Variants in SYNE1 observed in about 807,000 individuals in gnomAD.
SYNE1 encodes spectrin repeat containing nuclear envelope protein 1.
In SYNE1, 616 loss-of-function variants were observed where a neutral mutation model predicts 1,111.0. That is an observed-to-expected ratio of 0.55 (90% CI 0.52 to 0.59). The LOEUF is 0.59. SYNE1 is among the 20% of genes least tolerant of loss of function. The pLI is 0.00. For missense variants in SYNE1, 10,006 were observed against 10,417.0 expected (o/e 0.96, Z 1.72); for synonymous variants, 3,855 against 3,825.8 (o/e 1.01, Z -0.28).
intron 95 of SYNE1, among the ~76,000 whole-genome samples, chr6:152,292,304 C>G (rs1453847393): frequency 1.3e-5 from 2 of 152,154 alleles, no homozygotes; most frequent in Non-Finnish European, 2.9e-5. Flanking sequence ...TCTTGGATAA[C>G]AAGGGTTAAT....
chr6:152,428,062 A>T, intron 37 of SYNE1, 143 bp downstream of exon 37: 1 of 1,227,072 alleles, frequency 8.1e-7, no homozygotes, highest in Non-Finnish European at 1.2e-6. Flanking sequence ...TTTGCCTTAT[A>T]ACAAAGATCA....
At chr6:152,569,112 G>A (rs12111028) in intron 3 of SYNE1, among the ~76,000 whole-genome samples, 364 of 152,270 alleles carry the variant, frequency 2.4e-3, no homozygotes, top group African/African-American at 8.0e-3. Context: ...AGCAGCATCA[G>A]CACCACCTGG....
rs145077916 is a variant in SYNE1, at chr6:152,138,684, G to T, written c.25458+1266C>A. Among the ~76,000 whole-genome samples the T allele has an allele frequency of 2.3e-4, 35 of 152,158 alleles. No individual in the cohort carries two copies. In the East Asian group the frequency reaches 6.8e-3, roughly 29 times the overall value. Reference sequence around the variant, plus strand: ...CTTCATTCCTTATCCTGACCCCGGAGAGCCTAGGTGGCCACATTTTGAGGA... The same window carrying T: ...CTTCATTCCTTATCCTGACCCCGGATAGCCTAGGTGGCCACATTTTGAGGA... On this transcript the variant is annotated intron_variant, in intron 140 of 145. Coordinates refer to ENST00000367255, the MANE Select transcript of SYNE1 (RefSeq NM_182961.4).
intron 11 of SYNE1, among the ~76,000 whole-genome samples, chr6:152,489,750 A>G (rs1373802906): frequency 6.6e-6 from 1 of 152,162 alleles, no homozygotes; most frequent in Non-Finnish European, 1.5e-5. Flanking sequence ...TTTCTAACCC[A>G]GAAGTCTGAG....
intron 132 of SYNE1, 53 bp from the exon 133 acceptor site, chr6:152,155,095 C>G (rs563145207): frequency 4.5e-5 from 72 of 1,609,874 alleles, no homozygotes; most frequent in Admixed American, 2.0e-4. Flanking sequence ...TGTTTTCGCT[C>G]CAGAACCCGG....
At chr6:152,225,936 T>G (rs982434287) in intron 115 of SYNE1, 60 bp from the exon 116 acceptor site, 4 of 1,547,728 alleles carry the variant, frequency 2.6e-6, no homozygotes, top group Non-Finnish European at 1.8e-6. Context: ...TGGGGTGCAC[T>G]GAAATTGGGC....
At chr6:152,304,191 T>C (rs1320896485) in intron 91 of SYNE1, among the ~76,000 whole-genome samples, 2 of 152,202 alleles carry the variant, frequency 1.3e-5, no homozygotes, top group Non-Finnish European at 2.9e-5. Flanking sequence ...AGCACGTGGG[T>C]ACTCAATAAA....
chr6:152,219,344 A>G (rs180938317), intron 119 of SYNE1, among the ~76,000 whole-genome samples, 159 bp from the exon 120 acceptor site: 2 of 152,194 alleles, frequency 1.3e-5, no homozygotes, highest in East Asian at 3.9e-4. Flanking sequence ...CACGCACTGA[A>G]CCCCATTTTT....
At chr6:152,205,681 A>G (rs945223819) in intron 126 of SYNE1, among the ~76,000 whole-genome samples, 1 of 152,230 alleles carries the variant, frequency 6.6e-6, no homozygotes, top group Non-Finnish European at 1.5e-5. Flanking sequence ...GTATCCAACT[A>G]AGGGCTTAAT....
intron 7 of SYNE1, 85 bp from the exon 8 acceptor site, chr6:152,510,456 T>A (rs1489172454): frequency 3.4e-6 from 5 of 1,467,280 alleles, no homozygotes; most frequent in Non-Finnish European, 4.7e-6. Flanking sequence ...CAGCAACAAA[T>A]GAGTTATGTT....
At chr6:152,608,041 G>A (rs1583346644) in intron 3 of SYNE1, among the ~76,000 whole-genome samples, 1 of 152,142 alleles carries the variant, frequency 6.6e-6, no homozygotes, top group African/African-American at 2.4e-5. Flanking sequence ...TGAGGGGTGA[G>A]GGGCAAGGGG....
chr6:152,582,560 A>G (rs1220094989), intron 3 of SYNE1, among the ~76,000 whole-genome samples: 1 of 151,564 alleles, frequency 6.6e-6, no homozygotes, highest in Non-Finnish European at 1.5e-5. Context: ...AAAACTTTTT[A>G]CATATATATA....
Position 152,433,794 on chromosome 6 carries a change from C to A in SYNE1, c.4461+1G>T, listed in dbSNP as rs863224927. On this transcript the variant is annotated splice_donor_variant, in intron 34 of 145. Coordinates refer to ENST00000367255, the MANE Select transcript of SYNE1 (RefSeq NM_182961.4). LOFTEE classifies it high-confidence loss of function. ...ATAAATATAATGTGTGAGCAGGTCA[C>A]CTTAATTTGGCTGATTTGCATGTCC... The A allele has an allele frequency of 4.3e-6, 7 of 1,613,494 alleles. No homozygotes were observed. The highest frequency in any genetic ancestry group is 1.3e-5 in the African/African-American group (1 of 74,886).
At position 152,310,444 on chromosome 6, in the gene SYNE1, A is replaced by G; in HGVS notation, c.16971T>C (p.Ser5657=). The G allele has an allele frequency of 1.2e-6, 2 of 1,614,188 alleles. No individual in the cohort carries two copies. Among genetic ancestry groups the G allele is most frequent in the Non-Finnish European group, 1.7e-6 (2 of 1,180,030 alleles). The part of the protein sequence containing the change: ...ALEQAQATLT[S]PEVGRLSLKE... Reference sequence around the variant, plus strand: ...TGAGACTGAGACGTCCAACTTCTGGAGAAGTCAGTGTTGCCTGGGCTTGCT... The same window carrying G: ...TGAGACTGAGACGTCCAACTTCTGGGGAAGTCAGTGTTGCCTGGGCTTGCT... Residue 5657 remains serine, a synonymous_variant, in exon 89 of 146, where the codon TCT becomes TCC. Transcript: ENST00000367255.
intron 11 of SYNE1, among the ~76,000 whole-genome samples, chr6:152,494,983 C>T (rs763641109): frequency 2.6e-5 from 4 of 152,160 alleles, no homozygotes; most frequent in Non-Finnish European, 5.9e-5. Context: ...CTACTCAAGG[C>T]AAATAGTTCT....
At position 152,337,672 on chromosome 6, in the gene SYNE1, G is replaced by A. The variant is rs548745238; in HGVS notation, c.12352-655C>T. Among the ~76,000 whole-genome samples the A allele has an allele frequency of 1.1e-4, 17 of 152,318 alleles. 1 individual carries two copies. Among genetic ancestry groups the A allele is most frequent in the Middle Eastern group, 3.4e-3 (1 of 294 alleles). ...ATTGGGCATTTCAGTAGATTCATCT[G>A]TATGACTCATGAATTTGGTGTTAAG... is the stretch of plus-strand genomic sequence containing the variant. On this transcript the variant is annotated intron_variant, in intron 75 of 145. Transcript: ENST00000367255.
intron 2 of SYNE1, among the ~76,000 whole-genome samples, chr6:152,632,315 A>T (rs1225601720): frequency 6.6e-6 from 1 of 152,216 alleles, no homozygotes; most frequent in African/African-American, 2.4e-5. Flanking sequence ...AATGCAAAAA[A>T]AAGTGGATGC....
rs150121030 is a variant in SYNE1, at chr6:152,352,264, G to A, written c.11343C>T (p.Gly3781=). 156 of 1,614,002 alleles carry A rather than the reference G, an allele frequency of 9.7e-5. 2 individuals are homozygous for A. In the African/African-American group the frequency reaches 1.4e-3, roughly 14 times the overall value. The change falls in exon 70 of 146, where the codon GGC becomes GGT. Residue 3781 remains glycine, a synonymous_variant. Transcript: ENST00000367255. ...TCTCCTTTCTTAACCTCTCTGCCTC[G>A]CCTTCCTCCAAGTATTTAACAGCCC... ...GERAVKYLEE[G]EAERLRKEIH...
chr6:152,287,189 T>G (rs2094379910), intron 95 of SYNE1, among the ~76,000 whole-genome samples: 1 of 152,246 alleles, frequency 6.6e-6, no homozygotes, highest in Non-Finnish European at 1.5e-5. Context: ...CAAACTTTTT[T>G]TTTTGGTAAT....
Sources: gnomAD v4.1 joint callset for allele counts (sites outside exome capture counted in the v4.1 genomes callset) on GRCh38, gnomAD v4.1.1 for gene constraint, MANE v1.5 for transcripts, NCBI Gene and HGNC (gene_info 2026-07-23, HGNC 2026-07-21) for gene names.